The following TBC1D4 variants were observed in gnomAD, a reference collection of about 807,000 sequenced individuals.
TBC1D4 encodes TBC (Tre-2, BUB2, CDC16) domain-containing protein.
A neutral mutation model predicts 142.5 loss-of-function variants in TBC1D4; 121 were observed. That is an observed-to-expected ratio of 0.85 (90% confidence interval 0.73 to 0.99). TBC1D4 has a LOEUF of 0.99. Among genes scored for constraint, TBC1D4 ranks in the 50% least tolerant of loss-of-function variants. The pLI, the probability that TBC1D4 is intolerant of heterozygous loss-of-function variation, is 0.00. For synonymous variants in TBC1D4, 630 were observed against 628.2 expected (o/e 1.00, Z -0.04); for missense variants, 1,475 against 1,606.6 (o/e 0.92, Z 1.40).
At chr13:75,292,879 G>C (rs1035261160) in intron 18 of TBC1D4, among the ~76,000 whole-genome samples, 1 of 152,168 alleles carries the variant, frequency 6.6e-6, no homozygotes, top group African/African-American at 2.4e-5. Context: ...ACTAGGCCGG[G>C]CGTGTTGGCT....
At position 75,481,579 on chromosome 13, in the gene TBC1D4, G is replaced by A; in HGVS notation, c.189C>T (p.Arg63=). Residue 63 remains arginine (R), a synonymous_variant, in exon 1 of 21, where the codon CGC becomes CGT. Transcript: ENST00000377636. Reference sequence around the variant, plus strand: ...CCGCCTCGGGCTTCTGGCTGCGCCTGCGGATCTCGGCCATGAGCCAGGGCA... The same window carrying A: ...CCGCCTCGGGCTTCTGGCTGCGCCTACGGATCTCGGCCATGAGCCAGGGCA... ...PMLPWLMAEI[R]RRSQKPEAGG... 3 of 1,603,788 alleles carry A rather than the reference G, an allele frequency of 1.9e-6. No individual in the cohort carries two copies. The highest frequency in any genetic ancestry group is 2.2e-5 in the South Asian group (2 of 89,996).
rs1051839661 is a variant in TBC1D4 at position 75,456,973 on chromosome 13, C to T, written c.498+24297G>A. On this transcript the variant is annotated intron_variant, in intron 1 of 20. Coordinates refer to ENST00000377636, the MANE Select transcript of TBC1D4 (RefSeq NM_014832.5). ...AAAAAGGGCAAGTTTCTGCTGTATGCAACACCAGGAATATACCTTTCAGAC... is the reference window on the plus strand; with the variant it reads ...AAAAAGGGCAAGTTTCTGCTGTATGTAACACCAGGAATATACCTTTCAGAC... 1.1e-4 allele frequency among the ~76,000 whole-genome samples: 17 copies of T among 152,024 alleles called. No individual in the cohort carries two copies. In the East Asian group the frequency reaches 2.5e-3, roughly 22 times the overall value.
At chr13:75,480,031 C>CAAAAAA (rs59073862) in intron 1 of TBC1D4, among the ~76,000 whole-genome samples, 6,630 of 144,452 alleles carry the variant, frequency 0.046, 314 homozygotes, top group East Asian at 0.21. Flanking sequence ...GACTCCGTCT[C>CAAAAAA]AAAAAAAAAA....
chr13:75,421,136 A>G (rs1296852328), intron 1 of TBC1D4, among the ~76,000 whole-genome samples: 2 of 152,190 alleles, frequency 1.3e-5, no homozygotes, highest in African/African-American at 2.4e-5. Flanking sequence ...GAGAAATGAT[A>G]AATAGGGGAA....
At chr13:75,303,405 C>T (rs1876795970) in intron 15 of TBC1D4, among the ~76,000 whole-genome samples, 1 of 152,158 alleles carries the variant, frequency 6.6e-6, no homozygotes, top group Non-Finnish European at 1.5e-5. Flanking sequence ...AAAGAAAATG[C>T]TTAGCACATA....
intron 1 of TBC1D4, among the ~76,000 whole-genome samples, chr13:75,380,194 A>G (rs1396859260): frequency 2.0e-5 from 3 of 151,228 alleles, no homozygotes; most frequent in African/African-American, 7.3e-5. Flanking sequence ...TGACCCTTCT[A>G]TTAAGAGGCA....
chr13:75,319,230 A>C (rs1290623177), intron 12 of TBC1D4, among the ~76,000 whole-genome samples: 1 of 152,212 alleles, frequency 6.6e-6, no homozygotes, highest in African/African-American at 2.4e-5. Context: ...ATCTCAGTCT[A>C]GTGCGATACT....
At chr13:75,328,096 T>C (rs544306268) in intron 8 of TBC1D4, among the ~76,000 whole-genome samples, 11 of 152,346 alleles carry the variant, frequency 7.2e-5, no homozygotes, top group Non-Finnish European at 1.2e-4. Context: ...TTACACGTTA[T>C]TCATCCATAA....
chr13:75,428,291 T>A (rs1593875221), intron 1 of TBC1D4, among the ~76,000 whole-genome samples: 1 of 152,184 alleles, frequency 6.6e-6, no homozygotes, highest in Non-Finnish European at 1.5e-5. Flanking sequence ...TAACATTCTA[T>A]GCTAAGGTCT....
At chr13:75,343,876 C>T (rs1247666532) in intron 5 of TBC1D4, among the ~76,000 whole-genome samples, 1 of 151,802 alleles carries the variant, frequency 6.6e-6, no homozygotes, top group Non-Finnish European at 1.5e-5. Context: ...GTTTCACTCT[C>T]GTCACCTAGG....
chr13:75,298,573 A>G (rs1353052084), intron 17 of TBC1D4, among the ~76,000 whole-genome samples: 1 of 152,168 alleles, frequency 6.6e-6, no homozygotes, highest in Non-Finnish European at 1.5e-5. Flanking sequence ...CAACATGGTG[A>G]AACCCCATCT....
At chr13:75,288,096 A>G (rs1282500580) in intron 20 of TBC1D4, among the ~76,000 whole-genome samples, 1 of 152,226 alleles carries the variant, frequency 6.6e-6, no homozygotes, top group Non-Finnish European at 1.5e-5. Context: ...GTGCGCTTAG[A>G]GACAGATATA....
At chr13:75,303,591 A>T (rs1355216083) in intron 15 of TBC1D4, among the ~76,000 whole-genome samples, 1 of 152,184 alleles carries the variant, frequency 6.6e-6, no homozygotes, top group Non-Finnish European at 1.5e-5. Context: ...TTCAGTTTGG[A>T]CACATTGAAT....
chr13:75,292,984 G>A lies in TBC1D4; in HGVS notation c.3317-713C>T, dbSNP rs142573391. ...AGCCTGGTCAACATGGTGAAACCCCGTCTCTACGAAAAATACAAAAATTAG... is the reference window on the plus strand; with the variant it reads ...AGCCTGGTCAACATGGTGAAACCCCATCTCTACGAAAAATACAAAAATTAG... On this transcript the variant is annotated intron_variant, in intron 18 of 20. Transcript: ENST00000377636. Among the ~76,000 whole-genome samples the A allele has an allele frequency of 9.2e-5, 14 of 152,098 alleles. No individual in the cohort carries two copies. The East Asian group carries it at 1.4e-3, about 15-fold the overall frequency.
At chr13:75,395,097 T>C (rs774243495) in intron 1 of TBC1D4, among the ~76,000 whole-genome samples, 2 of 152,182 alleles carry the variant, frequency 1.3e-5, no homozygotes, top group Admixed American at 6.6e-5. Flanking sequence ...AATTAGAATA[T>C]ATGTTCTAAA....
intron 1 of TBC1D4, among the ~76,000 whole-genome samples, chr13:75,405,718 A>C (rs1001550440): frequency 1.8e-4 from 28 of 152,138 alleles, no homozygotes; most frequent in African/African-American, 6.5e-4. Context: ...TTTATTACCA[A>C]AAAAAGGTTG....
intron 1 of TBC1D4, among the ~76,000 whole-genome samples, chr13:75,389,003 G>A (rs1452063363): frequency 6.6e-6 from 1 of 152,196 alleles, no homozygotes; most frequent in Non-Finnish European, 1.5e-5. Flanking sequence ...GTGGTTTACT[G>A]ATATCTGCTT....
intron 1 of TBC1D4, among the ~76,000 whole-genome samples, chr13:75,414,660 T>C (rs1398476188): frequency 6.6e-6 from 1 of 151,890 alleles, no homozygotes; most frequent in Admixed American, 6.6e-5. Context: ...TGTGTGTATT[T>C]TGGGGGAAGA....
At chr13:75,414,308 G>A (rs1037378638) in intron 1 of TBC1D4, among the ~76,000 whole-genome samples, 1 of 152,178 alleles carries the variant, frequency 6.6e-6, no homozygotes, top group African/African-American at 2.4e-5. Context: ...CCTGCATACA[G>A]AAAGCCAAGG....
Sources: allele counts gnomAD v4.1 joint callset (sites outside exome capture counted in the v4.1 genomes callset), GRCh38; gene constraint gnomAD v4.1.1; transcripts MANE v1.5; gene names NCBI Gene and HGNC (gene_info 2026-07-23, HGNC 2026-07-21).